SACM1L: variants seen among roughly 807,000 people sequenced by gnomAD.
SACM1L encodes SAC1 like phosphatidylinositide phosphatase, also known as phosphatidylinositol-3-phosphatase SAC1.
A neutral mutation model predicts 89.5 loss-of-function variants in SACM1L; 32 were observed. The observed-to-expected ratio is 0.36, with a 90% CI of 0.27 to 0.48. The LOEUF (loss-of-function observed/expected upper bound fraction) is 0.48. Ranked by LOEUF, SACM1L falls within the 20% of genes least tolerant of loss-of-function variation. The pLI is 0.99. For missense variants in SACM1L, 543 were observed against 708.5 expected, an observed-to-expected ratio of 0.77 and a Z score of 2.65; for synonymous variants, 213 against 232.8, an observed-to-expected ratio of 0.92 and a Z score of 0.77.
chr3:45,728,390 T>C (rs1430894858), intron 11 of SACM1L, among the ~76,000 whole-genome samples: 2 of 152,194 alleles, frequency 1.3e-5, no homozygotes, highest in Non-Finnish European at 2.9e-5. Context: ...TTATTGTGCT[T>C]AGTTGATTTT....
intron 7 of SACM1L, among the ~76,000 whole-genome samples, chr3:45,715,496 C>T (rs939145639): frequency 2.0e-5 from 3 of 152,134 alleles, no homozygotes; most frequent in Non-Finnish European, 2.9e-5. Context: ...GTTTATTCAG[C>T]CGGGTGCAGT....
At chr3:45,718,857 T>C (rs915719495) in intron 7 of SACM1L, among the ~76,000 whole-genome samples, 2 of 152,154 alleles carry the variant, frequency 1.3e-5, no homozygotes, top group Non-Finnish European at 2.9e-5. Context: ...AAGTGTCCTA[T>C]ACCATATACT....
At chr3:45,724,877 G>A (rs926228977) in intron 11 of SACM1L, among the ~76,000 whole-genome samples, 2 of 152,094 alleles carry the variant, frequency 1.3e-5, no homozygotes, top group African/African-American at 4.8e-5. Flanking sequence ...TGGTGTAGGT[G>A]TAAGGGTCCA....
intron 4 of SACM1L, 186 bp downstream of exon 4, chr3:45,707,093 TG>T (rs1464409862): frequency 1.2e-5 from 6 of 494,416 alleles, no homozygotes; most frequent in Non-Finnish European, 1.3e-5. Context: ...TTGTTGCTCT[TG>T]TTTTTTTTTT....
Position 45,723,476 on chromosome 3 carries a change from T to G in SACM1L, c.854T>G (p.Met285Arg). 1 of 1,459,860 alleles carries G rather than the reference T, an allele frequency of 6.8e-7. No homozygotes were observed. Among genetic ancestry groups the G allele is most frequent in the Non-Finnish European group, 9.2e-7 (1 of 1,086,864 alleles). 90.4% of individuals were successfully genotyped at this position (1,459,860 alleles called of 1,614,324 possible). The change falls in exon 11 of 20, where the codon ATG (methionine) becomes AGG (arginine). Residue 285 changes from methionine (M) to arginine (R), a missense_variant and splice_region_variant. Met to Arg is a moderately conservative substitution (Grantham distance 91). Transcript: ENST00000389061. ...LPQISKVANH[M>R]DGFQRHFDSQ... Reference sequence around the variant, plus strand: ...AATATGTAACTTTTTCCTCTCTAGATGGACGGTTTCCAAAGGCATTTTGAT... The same window carrying G: ...AATATGTAACTTTTTCCTCTCTAGAGGGACGGTTTCCAAAGGCATTTTGAT...
At chr3:45,695,328 T>A (rs1698094566) in intron 1 of SACM1L, among the ~76,000 whole-genome samples, 1 of 152,010 alleles carries the variant, frequency 6.6e-6, no homozygotes, top group Non-Finnish European at 1.5e-5. Context: ...TGGCGCAGTC[T>A]CGGCTCACCA....
intron 11 of SACM1L, 48 bp downstream of exon 11, chr3:45,723,591 C>A: frequency 1.9e-6 from 2 of 1,045,866 alleles, no homozygotes; most frequent in Non-Finnish European, 2.7e-6. Context: ...TTAACTTTTT[C>A]TTGACAGAAA....
intron 1 of SACM1L, among the ~76,000 whole-genome samples, chr3:45,701,258 A>C (rs1160693593): frequency 6.6e-6 from 1 of 152,172 alleles, no homozygotes. Context: ...ATGGTGAAGA[A>C]AAAGTTATAG....
At chr3:45,737,446 C>A in intron 14 of SACM1L, 137 bp from the exon 15 acceptor site, 2 of 869,636 alleles carry the variant, frequency 2.3e-6, no homozygotes, top group Non-Finnish European at 3.7e-6. Flanking sequence ...CTGGGGCCCC[C>A]TATAGACAAC....
intron 1 of SACM1L, among the ~76,000 whole-genome samples, chr3:45,693,650 T>C (rs1609553): frequency 0.48 from 73,348 of 152,076 alleles, 18,228 homozygotes; most frequent in Middle Eastern, 0.57. Context: ...TCTTTCCATT[T>C]CATTGCATTA....
intron 4 of SACM1L, chr3:45,707,365 C>G (rs1197355146): frequency 6.5e-6 from 1 of 153,316 alleles, no homozygotes; most frequent in Non-Finnish European, 1.5e-5. Flanking sequence ...TCCTTTTGCA[C>G]TATTCCTGTA....
In SACM1L at chr3:45,729,890, CCT is replaced by C. The variant is rs201296987; in HGVS notation, c.922-1410_922-1409del. ...CTGTCTCTGCCTTTCTCTCTCTCTT[CCT>C]GGAATTCCCATAGTGCTAAATATTT... On this transcript the variant is annotated intron_variant, in intron 11 of 19. Transcript: ENST00000389061. Among the ~76,000 whole-genome samples the C allele has an allele frequency of 3.4e-3, 516 of 151,860 alleles. 4 individuals are homozygous for C. Among genetic ancestry groups the C allele is most frequent in the African/African-American group, 0.011 (459 of 41,436 alleles).
chr3:45,692,455 C>G (rs1207116363), intron 1 of SACM1L, among the ~76,000 whole-genome samples: 1 of 152,162 alleles, frequency 6.6e-6, no homozygotes, highest in Non-Finnish European at 1.5e-5. Flanking sequence ...CCCAAAGCAT[C>G]TGGGACTACA....
chr3:45,730,405 G>C (rs747850613), intron 11 of SACM1L, among the ~76,000 whole-genome samples: 1 of 147,774 alleles, frequency 6.8e-6, no homozygotes, highest in Non-Finnish European at 1.5e-5. Flanking sequence ...TTCTTATTGT[G>C]TATGTTCACT....
In SACM1L at chr3:45,743,586, A is replaced by G. The variant is rs776711939; in HGVS notation, c.1681A>G (p.Ile561Val). 2 of 1,614,188 alleles carry G rather than the reference A, an allele frequency of 1.2e-6. No individual in the cohort carries two copies. The highest frequency in any genetic ancestry group is 2.2e-5 in the South Asian group (2 of 91,088). Residue 561 changes from isoleucine to valine, a missense_variant, in exon 20 of 20, where the codon ATT becomes GTT. Around this residue, in one of 2 missense-constraint regions of SACM1L, gnomAD observed 370 missense variants for 527.6 expected, o/e 0.70. Transcript: ENST00000389061. ...AYVLFWGVAS[I>V]GTFFIILYNG... ...TGTGCTCTTCTGGGGAGTTGCAAGC[A>G]TTGGAACATTTTTTATCATTCTTTA... is the stretch of plus-strand genomic sequence containing the variant.
chr3:45,741,139 A>G (rs185829194), intron 19 of SACM1L, among the ~76,000 whole-genome samples: 25 of 152,304 alleles, frequency 1.6e-4, no homozygotes, highest in African/African-American at 6.0e-4. Flanking sequence ...GGCACCTTCC[A>G]GCCTTCATCC....
intron 3 of SACM1L, among the ~76,000 whole-genome samples, chr3:45,706,151 C>T (rs1575390844): frequency 6.6e-6 from 1 of 152,254 alleles, no homozygotes; most frequent in South Asian, 2.1e-4. Flanking sequence ...GAATGTTGAA[C>T]AGACCTGAAG....
chr3:45,721,044 A>G (rs567313836), intron 8 of SACM1L, among the ~76,000 whole-genome samples: 6 of 152,228 alleles, frequency 3.9e-5, no homozygotes, highest in South Asian at 2.1e-4. Context: ...GAATGCTTCA[A>G]ATATTTGAAA....
chr3:45,710,500 C>CTT (rs11413682), intron 5 of SACM1L, among the ~76,000 whole-genome samples: 16,585 of 133,926 alleles, frequency 0.12, 1,240 homozygotes, highest in Non-Finnish European at 0.17. Context: ...CCCAGTCTGC[C>CTT]TTTTTTTTTT....
Sources: allele counts gnomAD v4.1 joint callset (sites outside exome capture counted in the v4.1 genomes callset), GRCh38; gene constraint gnomAD v4.1.1; regional missense constraint gnomAD v4.1.1; transcripts MANE v1.5; gene names NCBI Gene and HGNC (gene_info 2026-07-23, HGNC 2026-07-21).